The following VPS50 variants were observed in gnomAD, a reference collection of about 807,000 sequenced individuals.
VPS50 encodes the protein VPS50 subunit of EARP/GARPII complex.
VPS50 carries 70 observed loss-of-function variants against 139.7 expected under a neutral mutation model. The ratio of observed to expected loss-of-function variants is 0.50; its 90% CI spans 0.41 to 0.61. The LOEUF (loss-of-function observed/expected upper bound fraction) is 0.61. Ranked by LOEUF, VPS50 falls within the 20% of genes least tolerant of loss-of-function variation. The pLI is 0.00. For missense variants in VPS50, 921 were observed against 1,133.7 expected (o/e 0.81, Z 2.69); for synonymous variants, 365 against 376.7 (o/e 0.97, Z 0.36).
intron 20 of VPS50, 186 bp from the exon 21 acceptor site, chr7:93,323,425 T>C (rs1797675716): frequency 4.6e-6 from 1 of 215,690 alleles, no homozygotes; most frequent in Non-Finnish European, 8.9e-6. Context: ...TAATCTGTGC[T>C]GTCCCATGCA....
chr7:93,277,705 A>G (rs1796201331), intron 12 of VPS50, among the ~76,000 whole-genome samples: 1 of 152,176 alleles, frequency 6.6e-6, no homozygotes, highest in South Asian at 2.1e-4. Flanking sequence ...GGACTGTTTT[A>G]CAGATTTTAT....
At chr7:93,282,047 A>G (rs1796343866) in intron 12 of VPS50, among the ~76,000 whole-genome samples, 1 of 152,034 alleles carries the variant, frequency 6.6e-6, no homozygotes, top group Non-Finnish European at 1.5e-5. Flanking sequence ...TACTAAAAAT[A>G]CAAAAAATTA....
chr7:93,326,064 T>C (rs1234314328), intron 21 of VPS50, among the ~76,000 whole-genome samples: 6 of 151,990 alleles, frequency 3.9e-5, no homozygotes, highest in Middle Eastern at 3.2e-3. Flanking sequence ...CCAACAATGA[T>C]AGACTGGATC....
intron 22 of VPS50, among the ~76,000 whole-genome samples, chr7:93,335,949 AT>A (rs1184842853): frequency 8.5e-5 from 13 of 152,182 alleles, no homozygotes; most frequent in African/African-American, 3.1e-4. Flanking sequence ...ACTGATAAAC[AT>A]TGGTTTGTTA....
chr7:93,272,163 G>T (rs1796028488), intron 10 of VPS50, among the ~76,000 whole-genome samples: 1 of 151,678 alleles, frequency 6.6e-6, no homozygotes, highest in Admixed American at 6.6e-5. Context: ...ATAAAGCATG[G>T]TAATTTAGAT....
chr7:93,251,519 G>C (rs1475564167), intron 2 of VPS50, among the ~76,000 whole-genome samples: 2 of 151,754 alleles, frequency 1.3e-5, no homozygotes, highest in Non-Finnish European at 2.9e-5. Context: ...GCTTATTGGG[G>C]GGTGGGGGGC....
At chr7:93,289,629 C>T (rs1796592334) in intron 12 of VPS50, among the ~76,000 whole-genome samples, 1 of 151,908 alleles carries the variant, frequency 6.6e-6, no homozygotes. Context: ...ATGTTTTCTT[C>T]TAGTATAGTT....
chr7:93,328,772 A>T (rs1797855245), intron 21 of VPS50, among the ~76,000 whole-genome samples: 1 of 152,206 alleles, frequency 6.6e-6, no homozygotes, highest in Non-Finnish European at 1.5e-5. Context: ...TGGAGCTAGA[A>T]AACTGGAAAC....
intron 23 of VPS50, among the ~76,000 whole-genome samples, chr7:93,342,675 C>A (rs528445744): frequency 6.6e-6 from 1 of 152,226 alleles, no homozygotes; most frequent in Non-Finnish European, 1.5e-5. Flanking sequence ...CCACTGACCC[C>A]TGATCCCCGA....
chr7:93,289,699 A>G (rs1257657901), intron 12 of VPS50, among the ~76,000 whole-genome samples: 1 of 151,910 alleles, frequency 6.6e-6, no homozygotes, highest in Admixed American at 6.6e-5. Flanking sequence ...ATTCTGGAGG[A>G]ATATGTCTAA....
At chr7:93,308,009 G>C (rs1797163231) in intron 18 of VPS50, among the ~76,000 whole-genome samples, 1 of 151,894 alleles carries the variant, frequency 6.6e-6, no homozygotes. Flanking sequence ...GATTAAATGA[G>C]ATAATTCATG....
chr7:93,283,947 T>C (rs1038695129), intron 12 of VPS50, among the ~76,000 whole-genome samples: 3 of 152,200 alleles, frequency 2.0e-5, no homozygotes, highest in African/African-American at 7.2e-5. Context: ...AGCACATGCT[T>C]TGGGTAACCA....
chr7:93,346,684 A>G (rs922782712), intron 23 of VPS50, among the ~76,000 whole-genome samples: 4 of 150,954 alleles, frequency 2.6e-5, no homozygotes, highest in African/African-American at 9.8e-5. Flanking sequence ...ATCTACAACT[A>G]TCTGATCTTT....
rs72615121 is a variant in VPS50, at chr7:93,357,193, A to G, written c.2775+1113A>G. The stretch of plus-strand genomic sequence containing the variant: ...ACACTTCTGGGTTGGTACTGAGGAA[A>G]GGGTTTTGGGAAAGAATACAAAGTA... On this transcript the variant is annotated intron_variant, in intron 27 of 27. Transcript: ENST00000305866. Among the ~76,000 whole-genome samples the G allele has an allele frequency of 1.6e-3, 237 of 152,298 alleles. 6 individuals are homozygous for G. In the East Asian group the frequency reaches 0.031, roughly 20 times the overall value.
chr7:93,348,053 C>T (rs752776451), intron 23 of VPS50, among the ~76,000 whole-genome samples: 10 of 151,704 alleles, frequency 6.6e-5, no homozygotes, highest in Non-Finnish European at 1.3e-4. Flanking sequence ...ATACAATTAA[C>T]GCATATAACT....
rs1232437000 is a variant in VPS50, at chr7:93,342,880, GA to G, written c.2207+1312del. Among the ~76,000 whole-genome samples the G allele has an allele frequency of 4.6e-5, 7 of 152,222 alleles. No individual in the cohort carries two copies. The East Asian group carries it at 1.2e-3, about 25-fold the overall frequency. On this transcript the variant is annotated intron_variant, in intron 23 of 27. Transcript: ENST00000305866. ...AAGTAGATAAAACCACAAAGATGGGGAAAAAAACAGAGCAGAAAACCTGGAA... is the reference window on the plus strand; with the variant it reads ...AAGTAGATAAAACCACAAAGATGGGGAAAAAACAGAGCAGAAAACCTGGAA...
At chr7:93,284,030 T>C (rs1201819661) in intron 12 of VPS50, among the ~76,000 whole-genome samples, 1 of 152,182 alleles carries the variant, frequency 6.6e-6, no homozygotes, top group Non-Finnish European at 1.5e-5. Context: ...AAGGCCTCTA[T>C]ATTGTTCATG....
intron 25 of VPS50, among the ~76,000 whole-genome samples, 166 bp from the exon 26 acceptor site, chr7:93,353,474 T>C (rs1798613923): frequency 6.6e-6 from 1 of 152,258 alleles, no homozygotes; most frequent in African/African-American, 2.4e-5. Context: ...ATATATGTTT[T>C]TAAGGCCTTC....
chr7:93,283,126 T>C (rs1271178976), intron 12 of VPS50, among the ~76,000 whole-genome samples: 1 of 152,202 alleles, frequency 6.6e-6, no homozygotes, highest in African/African-American at 2.4e-5. Context: ...CTGTTACTAT[T>C]TCCTGGATGC....
Sources: gnomAD v4.1 joint callset for allele counts (sites outside exome capture counted in the v4.1 genomes callset) on GRCh38, gnomAD v4.1.1 for gene constraint, MANE v1.5 for transcripts, NCBI Gene and HGNC (gene_info 2026-07-23, HGNC 2026-07-21) for gene names.